TTN: variants seen among roughly 807,000 people sequenced by gnomAD.
The protein encoded by TTN is titin.
In TTN, 1,525 loss-of-function variants were observed where a neutral mutation model predicts 3,223.0. The ratio of observed to expected loss-of-function variants is 0.47; its 90% CI spans 0.45 to 0.49. TTN has a LOEUF of 0.49. TTN is among the 20% of genes least tolerant of loss of function. The probability of loss-of-function intolerance (pLI) is 0.00; values close to 1 mark genes in which losing one functional copy is unlikely to be tolerated. For synonymous variants in TTN, 14,094 were observed against 15,161.0 expected (o/e 0.93, Z 5.17); for missense variants, 40,786 against 43,424.0 (o/e 0.94, Z 5.40).
At chr2:178,695,305 G>C in intron 115 of TTN, 43 bp downstream of exon 115, 2 of 1,491,600 alleles carry the variant, frequency 1.3e-6, no homozygotes, top group Non-Finnish European at 1.9e-6. Flanking sequence ...CCATGATAAT[G>C]ATGTTGATGC....
Position 178,715,183 on chromosome 2 carries a change from C to G in TTN, c.26003G>C (p.Gly8668Ala). ...CCAAGAAACGTGAAATGGGGGAGTG[C>G]CCTGAAGCTCACATTCAAGGTGAAC... ...ADVHLECELQ[G>A]TPPFHVSWYK... The change falls in exon 90 of 363, where the codon GGC (glycine) becomes GCC (alanine). Residue 8668 changes from glycine to alanine, a missense_variant. Physicochemically the swap from Gly to Ala is moderately conservative, Grantham distance 60 (BLOSUM62 0). Transcript: ENST00000589042. 6.2e-7 allele frequency: 1 copy of G among 1,613,690 alleles called. No individual in the cohort carries two copies. Among genetic ancestry groups the G allele is most frequent in the South Asian group, 1.1e-5 (1 of 91,060 alleles).
intron 33 of TTN, among the ~76,000 whole-genome samples, chr2:178,771,705 A>G (rs865969922): frequency 2.0e-4 from 30 of 152,228 alleles, no homozygotes; most frequent in Admixed American, 1.4e-3. Context: ...TGAAGAAAAA[A>G]TAACTGTTGA....
At chr2:178,542,633 T>C in intron 348 of TTN, 29 bp downstream of exon 348, 1 of 1,600,930 alleles carries the variant, frequency 6.2e-7, no homozygotes, top group Non-Finnish European at 8.5e-7. Flanking sequence ...GAACATCAAC[T>C]TGCTTGTATC....
chr2:178,735,465 T>C, intron 50 of TTN, 46 bp downstream of exon 50: 1 of 1,484,000 alleles, frequency 6.7e-7, no homozygotes, highest in African/African-American at 1.4e-5. Flanking sequence ...CTACTGAGGA[T>C]TCCTTGCAGA....
rs371807358 is a variant in TTN at position 178,539,634 on chromosome 2, G to A, written c.98431C>T (p.Arg32811Cys). 9.1e-5 allele frequency: 147 copies of A among 1,613,602 alleles called. No homozygotes were observed. The highest frequency in any genetic ancestry group is 1.1e-4 in the Non-Finnish European group (135 of 1,179,796). ...GPLEYDDIQV[R>C]SVRVSWRPPA... ...GGTCTCCAGCTGACCCTCACAGAGC[G>A]GACTTGGATGTCATCATATTCCAGT... The change falls in exon 352 of 363, where the codon CGC becomes TGC. Residue 32811 changes from arginine (R) to cysteine (C), a missense_variant. By Grantham distance (180) the Arg-to-Cys change is radical. Coordinates refer to ENST00000589042, the MANE Select transcript of TTN (RefSeq NM_001267550.2).
intron 22 of TTN, chr2:178,779,707 C>A (rs1443650846): frequency 1.9e-6 from 1 of 533,956 alleles, no homozygotes; most frequent in Non-Finnish European, 3.3e-6. Flanking sequence ...TAGCTTATCA[C>A]ACAGATGAAG....
In TTN at chr2:178,527,721, A is replaced by G. The variant is rs377045727; in HGVS notation, c.107405T>C (p.Val35802Ala). 2.5e-6 allele frequency: 4 copies of G among 1,606,586 alleles called. No individual in the cohort carries two copies. The highest frequency in any genetic ancestry group is 1.3e-5 in the African/African-American group (1 of 74,768). Residue 35802 changes from valine (V) to alanine (A), a missense_variant, in exon 362 of 363, where the codon GTA becomes GCA. Physicochemically the swap from Val to Ala is moderately conservative, Grantham distance 64. Transcript: ENST00000589042. ...TGTGTCACCACTTGTTCTCAATACT[A>G]CCTCTCTGGAAGGTTCTTCAACTAG... is the stretch of plus-strand genomic sequence containing the variant. ...LPLVEEPSRE[V>A]VLRTSGDTSL...
chr2:178,713,218 G>A lies in TTN; in HGVS notation c.26916C>T (p.Tyr8972=), dbSNP rs762329439. Residue 8972 remains tyrosine (Y), a synonymous_variant, in exon 93 of 363, where the codon TAC becomes TAT. Transcript: ENST00000589042. ...EGNEISSGRK[Y]QTTLTDNTCA... is the part of the protein sequence containing the mutation. ...AAGTATTATCTGTCAGGGTGGTCTG[G>A]TATTTCCTTCCACTACTGATCTCAT... 1.9e-6 allele frequency: 3 copies of A among 1,613,382 alleles called. No homozygotes were observed. The highest frequency in any genetic ancestry group is 3.3e-5 in the Admixed American group (2 of 59,926).
Position 178,620,317 on chromosome 2 carries a change from C to T in TTN, c.46204G>A (p.Val15402Ile). 2 of 1,586,148 alleles carry T rather than the reference C, an allele frequency of 1.3e-6. No homozygotes were observed. Among genetic ancestry groups the T allele is most frequent in the South Asian group, 2.3e-5 (2 of 85,848 alleles). ...AAGACAGCGTCATCGAACTCAGTGA[C>T]TGTCTGATCTTCCAAGTGTTCCACA... is the stretch of plus-strand genomic sequence containing the variant. ...EFVEHLEDQT[V>I]TEFDDAVFSC... The change falls in exon 248 of 363, where the codon GTC (valine) becomes ATC (isoleucine). Residue 15402 changes from valine to isoleucine, a missense_variant. Val to Ile is a conservative substitution (Grantham distance 29, BLOSUM62 3). Coordinates refer to ENST00000589042, the MANE Select transcript of TTN (RefSeq NM_001267550.2).
intron 6 of TTN, among the ~76,000 whole-genome samples, chr2:178,795,626 A>G (rs1037163669): frequency 3.9e-5 from 6 of 152,174 alleles, no homozygotes; most frequent in African/African-American, 1.2e-4. Context: ...CTGTATTCCA[A>G]TTCTGGGGGG....
At chr2:178,664,617 C>T (rs372374380) in intron 167 of TTN, 37 bp downstream of exon 167, 7 of 1,608,476 alleles carry the variant, frequency 4.4e-6, no homozygotes, top group Non-Finnish European at 5.1e-6. Context: ...CAAGAAAAGA[C>T]ATGTTCCCAC....
At chr2:178,746,597 G>C in intron 47 of TTN, 1 of 1,613,184 alleles carries the variant, frequency 6.2e-7, no homozygotes, top group Non-Finnish European at 8.5e-7. Context: ...GTCTACATTT[G>C]CAAAGCTCTT....
chr2:178,615,502 G>C lies in TTN; in HGVS notation c.48461-18C>G, dbSNP rs759697221. 2.1e-5 allele frequency: 34 copies of C among 1,609,778 alleles called. No homozygotes were observed. The highest frequency in any genetic ancestry group is 3.3e-4 in the Middle Eastern group (2 of 6,048). ...AGGTACCGCTACAACATTTGGAAGA[G>C]AGAGTCAGTCTTACACAGGCCACCT... is the stretch of plus-strand genomic sequence containing the variant. On this transcript the variant is annotated intron_variant, in intron 258 of 362. Transcript: ENST00000589042.
chr2:178,645,865 G>T, intron 217 of TTN, 55 bp downstream of exon 217: 1 of 1,121,638 alleles, frequency 8.9e-7, no homozygotes, highest in South Asian at 1.6e-5. Context: ...CATTTCAGAT[G>T]GCTGGATAGA....
rs1241571397 is a variant in TTN, at chr2:178,738,276, G to A, written c.14177C>T (p.Ala4726Val). Residue 4726 changes from alanine to valine, a missense_variant, in exon 49 of 363, where the codon GCT (alanine) becomes GTT (valine). Transcript: ENST00000589042. ...LAKFTCEIQS[A>V]PNVRFQWFKA... ...AAACCACTGGAACCGGACATTGGGA[G>A]CACTTTGGATCTCACAGGTGAATTT... 1 of 1,613,604 alleles carries A rather than the reference G, an allele frequency of 6.2e-7. No individual in the cohort carries two copies. Among genetic ancestry groups the A allele is most frequent in the Admixed American group, 1.7e-5 (1 of 59,998 alleles).
At position 178,587,153 on chromosome 2, in the gene TTN, T is replaced by A; in HGVS notation, c.64058A>T (p.Asp21353Val). The A allele has an allele frequency of 3.1e-6, 5 of 1,613,280 alleles. No individual in the cohort carries two copies. Among genetic ancestry groups the A allele is most frequent in the Non-Finnish European group, 3.4e-6 (4 of 1,179,428 alleles). The change falls in exon 307 of 363, where the codon GAT (aspartate) becomes GTT (valine). Residue 21353 changes from aspartate (D) to valine (V), a missense_variant. Coordinates refer to ENST00000589042, the MANE Select transcript of TTN (RefSeq NM_001267550.2). ...TGATGCAAGCACTGGTTTTGGGACATCTGTTGGGACGCCAGGGCCATATTC... is the reference window on the plus strand; with the variant it reads ...TGATGCAAGCACTGGTTTTGGGACAACTGTTGGGACGCCAGGGCCATATTC... ...VNEYGPGVPT[D>V]VPKPVLASDP...
chr2:178,779,260 T>G lies in TTN; in HGVS notation c.3932A>C (p.His1311Pro). 1 of 1,613,878 alleles carries G rather than the reference T, an allele frequency of 6.2e-7. No homozygotes were observed. Among genetic ancestry groups the G allele is most frequent in the Non-Finnish European group, 8.5e-7 (1 of 1,179,848 alleles). Residue 1311 changes from histidine (H) to proline (P), a missense_variant, in exon 23 of 363, where the codon CAT becomes CCT. Physicochemically the swap from His to Pro is moderately conservative, Grantham distance 77. Coordinates refer to ENST00000589042, the MANE Select transcript of TTN (RefSeq NM_001267550.2). ...RILEGMGVTF[H>P]CKMSGYPLPK... ...TAATGGATATCCAGACATCTTGCAA[T>G]GAAAAGTGACACCCATCCCCTCAAG...
rs878881882 is a variant in TTN, at chr2:178,646,521, C to T, written c.40261G>A (p.Glu13421Lys). 7.1e-6 allele frequency: 11 copies of T among 1,547,898 alleles called. No individual in the cohort carries two copies. The highest frequency in any genetic ancestry group is 3.9e-5 in the Admixed American group (2 of 50,916). The change falls in exon 216 of 363, where the codon GAA (glutamate) becomes AAA (lysine). Residue 13421 changes from glutamate to lysine, a missense_variant. By Grantham distance (56) the Glu-to-Lys change is moderately conservative. Coordinates refer to ENST00000589042, the MANE Select transcript of TTN (RefSeq NM_001267550.2). ...IEKYIKPEEP[E>K]PEPQPEEIPV... is the part of the protein sequence containing the mutation. The stretch of plus-strand genomic sequence containing the variant: ...ATTTCTTCAGGCTGTGGTTCAGGTT[C>T]GGGCTCTTCAGGTTTAATATACTTT...
chr2:178,652,686 G>A lies in TTN; in HGVS notation c.39010C>T (p.Pro13004Ser), dbSNP rs764827155. 3.1e-6 allele frequency: 5 copies of A among 1,613,428 alleles called. No individual in the cohort carries two copies. The highest frequency in any genetic ancestry group is 4.2e-6 in the Non-Finnish European group (5 of 1,179,570). Residue 13004 changes from proline (P) to serine (S), a missense_variant, in exon 201 of 363, where the codon CCT becomes TCT. By Grantham distance (74) the Pro-to-Ser change is moderately conservative. Transcript: ENST00000589042. ...VVPEKKVPSA[P>S]PKKPEVPPVK... ...GGTGGGACTTCAGGCTTTTTAGGAG[G>A]AGCCGAGGGCACTTTCTTTTCAGGA...
Sources: gnomAD v4.1 joint callset for allele counts (sites outside exome capture counted in the v4.1 genomes callset) on GRCh38, gnomAD v4.1.1 for gene constraint, MANE v1.5 for transcripts, NCBI Gene and HGNC (gene_info 2026-07-23, HGNC 2026-07-21) for gene names.